The following PPP4R1 variants were observed in gnomAD, a reference collection of about 807,000 sequenced individuals.
PPP4R1 encodes the protein protein phosphatase 4 regulatory subunit 1, also known as serine/threonine-protein phosphatase 4 regulatory subunit 1.
In PPP4R1, 42 loss-of-function variants were observed where a neutral mutation model predicts 111.2. The observed-to-expected ratio is 0.38, with a 90% CI of 0.29 to 0.49. PPP4R1 has a LOEUF of 0.49. Among genes scored for constraint, PPP4R1 ranks in the 20% least tolerant of loss-of-function variants. The pLI is 0.97. For missense variants in PPP4R1, 1,012 were observed against 1,161.6 expected, an observed-to-expected ratio of 0.87 and a Z score of 1.87; for synonymous variants, 409 against 405.5, an observed-to-expected ratio of 1.01 and a Z score of -0.10.
At chr18:9,585,822 ACAC>A (rs1312940000) in intron 6 of PPP4R1, among the ~76,000 whole-genome samples, 3 of 152,194 alleles carry the variant, frequency 2.0e-5, no homozygotes, top group African/African-American at 7.2e-5. Context: ...AACAAAATAC[ACAC>A]AAGAACTTTC....
intron 2 of PPP4R1, among the ~76,000 whole-genome samples, chr18:9,602,588 A>G (rs7239648): frequency 0.37 from 54,797 of 148,824 alleles, 11,027 homozygotes; most frequent in East Asian, 0.55. Flanking sequence ...AGCCATGCGC[A>G]GTGACTCACA....
chr18:9,583,635 A>T (rs1377148318), intron 8 of PPP4R1, among the ~76,000 whole-genome samples: 1 of 151,732 alleles, frequency 6.6e-6, no homozygotes, highest in Non-Finnish European at 1.5e-5. Context: ...CCAAAGTGCT[A>T]GGATTACAGG....
intron 9 of PPP4R1, among the ~76,000 whole-genome samples, chr18:9,579,815 G>T (rs541250464): frequency 2.6e-5 from 4 of 152,258 alleles, no homozygotes; most frequent in South Asian, 2.1e-4. Flanking sequence ...GATGTGCATA[G>T]GTTATATGCA....
chr18:9,547,777 G>C lies in PPP4R1; in HGVS notation c.*12C>G, dbSNP rs1318733139. 6.2e-7 allele frequency: 1 copy of C among 1,612,240 alleles called. No individual in the cohort carries two copies. Among genetic ancestry groups the C allele is most frequent in the South Asian group, 1.1e-5 (1 of 91,006 alleles). ...CTCATGGAAGCAGGAAAGACACCGA[G>C]ATTCAAGCCTTCTAGTAGGTTGAGG... On this transcript the variant is annotated 3_prime_UTR_variant, in exon 20 of 20. Transcript: ENST00000400556.
chr18:9,580,783 G>A (rs757898567), intron 9 of PPP4R1, among the ~76,000 whole-genome samples: 5 of 152,194 alleles, frequency 3.3e-5, no homozygotes, highest in Non-Finnish European at 7.4e-5. Context: ...TGATGCTGAG[G>A]TCCAGTCCTG....
Position 9,588,242 on chromosome 18 carries a change from G to GA in PPP4R1, c.439-8dup, listed in dbSNP as rs1375804225. 10 of 1,610,706 alleles carry GA rather than the reference G, an allele frequency of 6.2e-6. No individual in the cohort carries two copies. Among genetic ancestry groups the GA allele is most frequent in the Non-Finnish European group, 7.6e-6 (9 of 1,178,854 alleles). The stretch of plus-strand genomic sequence containing the variant: ...CCTGACTTGTTTTCCTCACCTAGGA[G>GA]AAAAATAACAACACAAAGAAAGTAC... On this transcript the variant is annotated splice_polypyrimidine_tract_variant and splice_region_variant and intron_variant, in intron 5 of 19. Transcript: ENST00000400556.
chr18:9,550,257 T>C (rs2066468169), intron 17 of PPP4R1, 21 bp downstream of exon 17: 3 of 1,613,686 alleles, frequency 1.9e-6, no homozygotes, highest in African/African-American at 1.3e-5. Context: ...TGATCTAAAA[T>C]TTTAAAAGTT....
At chr18:9,553,239 G>T in intron 16 of PPP4R1, 83 bp downstream of exon 16, 3 of 1,092,110 alleles carry the variant, frequency 2.7e-6, no homozygotes, top group Non-Finnish European at 4.0e-6. Context: ...TCTACACAAA[G>T]TAATGAAGAA....
intron 2 of PPP4R1, among the ~76,000 whole-genome samples, chr18:9,596,058 T>C (rs190000152): frequency 4.6e-5 from 7 of 152,332 alleles, no homozygotes. Flanking sequence ...ATACAAAATA[T>C]ACTTTCCAGA....
At chr18:9,558,747 C>CAGGT (rs2145031801) in intron 14 of PPP4R1, among the ~76,000 whole-genome samples, 1 of 146,948 alleles carries the variant, frequency 6.8e-6, no homozygotes, top group African/African-American at 2.5e-5. Flanking sequence ...ACTGAAGGAA[C>CAGGT]AGGTGTGTTC....
At chr18:9,603,862 T>A (rs1229672668) in intron 2 of PPP4R1, among the ~76,000 whole-genome samples, 1 of 152,148 alleles carries the variant, frequency 6.6e-6, no homozygotes, top group East Asian at 1.9e-4. Context: ...CATGAAAATA[T>A]GAAAATACAT....
intron 4 of PPP4R1, among the ~76,000 whole-genome samples, chr18:9,593,535 T>C (rs1008396641): frequency 6.6e-6 from 1 of 152,202 alleles, no homozygotes. Flanking sequence ...ACAATGTTTT[T>C]AGATTTGTTT....
rs189270788 is a variant in PPP4R1, at chr18:9,585,128, C to T, written c.586-300G>A. Among the ~76,000 whole-genome samples, 5 of 152,266 alleles carry T rather than the reference C, an allele frequency of 3.3e-5. No homozygotes were observed. The East Asian group carries it at 9.6e-4, about 29-fold the overall frequency. Reference sequence around the variant, plus strand: ...GTCCACAGTTTCCATCTTACTACTACTTCATCATTTTGCCTGGTAATTTTA... The same window carrying T: ...GTCCACAGTTTCCATCTTACTACTATTTCATCATTTTGCCTGGTAATTTTA... On this transcript the variant is annotated intron_variant, in intron 6 of 19. Coordinates refer to ENST00000400556, the MANE Select transcript of PPP4R1 (RefSeq NM_001042388.3).
chr18:9,591,347 CA>C (rs34252752), intron 4 of PPP4R1, among the ~76,000 whole-genome samples: 19 of 148,580 alleles, frequency 1.3e-4, no homozygotes, highest in Admixed American at 3.3e-4. Flanking sequence ...ACTCCATCTC[CA>C]AAAAAAAAAA....
intron 2 of PPP4R1, among the ~76,000 whole-genome samples, chr18:9,610,701 C>T (rs933143914): frequency 3.3e-5 from 5 of 152,184 alleles, no homozygotes; most frequent in South Asian, 2.1e-4. Context: ...CCTCGTGATC[C>T]GCCCACCTCG....
rs1441457445 is a variant in PPP4R1 at position 9,570,359 on chromosome 18, A to G, written c.1371T>C (p.His457=). The part of the protein sequence containing the change: ...LLDQELYNSF[H]FWRTPLPEID... ...TTTCAGGAAGAGGAGTCCTCCAGAA[A>G]TGGAAGGAGTTATACAATTCCTGAT... The change falls in exon 11 of 20, where the codon CAT becomes CAC. Residue 457 remains histidine, a synonymous_variant. Coordinates refer to ENST00000400556, the MANE Select transcript of PPP4R1 (RefSeq NM_001042388.3). 6.2e-7 allele frequency: 1 copy of G among 1,611,846 alleles called. No individual in the cohort carries two copies. Among genetic ancestry groups the G allele is most frequent in the Non-Finnish European group, 8.5e-7 (1 of 1,179,048 alleles).
intron 11 of PPP4R1, 72 bp downstream of exon 11, chr18:9,570,085 T>C: frequency 2.1e-6 from 3 of 1,446,710 alleles, no homozygotes; most frequent in Non-Finnish European, 2.8e-6. Flanking sequence ...TTTTCTGAAA[T>C]GAAATTTTTT....
At chr18:9,561,912 T>C in intron 13 of PPP4R1, 68 bp downstream of exon 13, 1 of 1,310,666 alleles carries the variant, frequency 7.6e-7, no homozygotes, top group Non-Finnish European at 1.1e-6. Context: ...GCAAATTAGG[T>C]CAGAAATGGG....
chr18:9,590,521 A>C (rs1387792373), intron 4 of PPP4R1, among the ~76,000 whole-genome samples: 1 of 152,230 alleles, frequency 6.6e-6, no homozygotes, highest in Non-Finnish European at 1.5e-5. Context: ...TTAAAAATGA[A>C]ATCAGCAACT....
Sources: allele counts gnomAD v4.1 joint callset (sites outside exome capture counted in the v4.1 genomes callset), GRCh38; gene constraint gnomAD v4.1.1; transcripts MANE v1.5; gene names NCBI Gene and HGNC (gene_info 2026-07-23, HGNC 2026-07-21).